IL18R1: variants seen among roughly 807,000 people sequenced by gnomAD.
IL18R1 encodes the protein interleukin-18 receptor 1.
IL18R1 carries 40 observed loss-of-function variants against 48.5 expected under a neutral mutation model. The observed-to-expected ratio is 0.82, with a 90% CI of 0.64 to 1.07. The LOEUF is 1.07. Among genes scored for constraint, IL18R1 ranks in the 50% least tolerant of loss-of-function variants. The probability of loss-of-function intolerance (pLI) is 0.00; values close to 1 mark genes in which losing one functional copy is unlikely to be tolerated. For synonymous variants in IL18R1, 232 were observed against 225.9 expected (o/e 1.03, Z -0.24); for missense variants, 596 against 633.7 (o/e 0.94, Z 0.64).
chr2:102,358,620 G>T (rs1313953824), intron 1 of IL18R1, among the ~76,000 whole-genome samples: 1 of 152,134 alleles, frequency 6.6e-6, no homozygotes, highest in Non-Finnish European at 1.5e-5. Flanking sequence ...TACGTCGGCG[G>T]CTCTCTTCCT....
intron 1 of IL18R1, 52 bp from the exon 2 acceptor site, chr2:102,362,581 G>T (rs1360712571): frequency 5.8e-6 from 7 of 1,212,956 alleles, no homozygotes; most frequent in South Asian, 2.9e-5. Context: ...CATAAGATAG[G>T]CACACTTTTG....
At position 102,355,891 on chromosome 2, in the gene IL18R1, A is replaced by G. The variant is rs1376526892; in HGVS notation, c.-538A>G. 1 of 152,102 alleles carries G rather than the reference A, an allele frequency of 6.6e-6. No individual in the cohort carries two copies. The highest frequency in any genetic ancestry group is 2.4e-5 in the African/African-American group (1 of 41,408). The allele number at this position is 152,102 out of a possible 1,614,324, so 9.4% of individuals were successfully genotyped here. ...CAAGGCGCTGGGTTTTCCAGCAGCA[A>G]CCTTTGGACCCCGCGATCCAGTAGC... is the stretch of plus-strand genomic sequence containing the variant. On this transcript the variant is annotated 5_prime_UTR_variant, in exon 1 of 11. Transcript: ENST00000233957.
intron 6 of IL18R1, among the ~76,000 whole-genome samples, chr2:102,381,911 C>T (rs1377453686): frequency 1.3e-5 from 2 of 152,116 alleles, no homozygotes; most frequent in African/African-American, 2.4e-5. Flanking sequence ...TGCCTGTGGT[C>T]TGTAGACTAA....
intron 4 of IL18R1, among the ~76,000 whole-genome samples, chr2:102,372,729 G>A (rs1679341742): frequency 6.6e-6 from 1 of 152,000 alleles, no homozygotes; most frequent in Non-Finnish European, 1.5e-5. Context: ...TGGGCTTTCA[G>A]TTTTTATGTG....
chr2:102,396,581 A>G lies in IL18R1; in HGVS notation c.1321A>G (p.Ile441Val). 6.2e-7 allele frequency: 1 copy of G among 1,612,474 alleles called. No individual in the cohort carries two copies. Residue 441 changes from isoleucine to valine, a missense_variant, in exon 11 of 11, where the codon ATT becomes GTT. Ile to Val is a conservative substitution (Grantham distance 29, BLOSUM62 3). This residue lies in a region of IL18R1 where 179 missense variants were observed against 206.1 expected (regional missense o/e 0.87). Transcript: ENST00000233957. ...GATAGAGAAAAGCCGAAGACTAATC[A>G]TTGTCCTAAGTAAAAGTTATATGTC... ...SLIEKSRRLI[I>V]VLSKSYMSNE...
At chr2:102,386,540 G>A (rs1409208678) in intron 7 of IL18R1, among the ~76,000 whole-genome samples, 2 of 152,202 alleles carry the variant, frequency 1.3e-5, no homozygotes, top group East Asian at 1.9e-4. Context: ...AAGTTGTTAG[G>A]AAGAGAGAAG....
rs1680878062 is a variant in IL18R1, at chr2:102,397,366, T to A, written c.*480T>A. ...CTCCCTAACACCATGGATCTGGTTG[T>A]GCATAGGATGTGGGAGGAGGGGCTG... On this transcript the variant is annotated 3_prime_UTR_variant, in exon 11 of 11. Coordinates refer to ENST00000233957, the MANE Select transcript of IL18R1 (RefSeq NM_003855.5). 1 of 154,150 alleles carries A rather than the reference T, an allele frequency of 6.5e-6. No individual in the cohort carries two copies. Among genetic ancestry groups the A allele is most frequent in the African/African-American group, 2.4e-5 (1 of 41,464 alleles). 9.5% of individuals were successfully genotyped at this position (154,150 alleles called of 1,614,324 possible).
chr2:102,362,327 T>C (rs1372349461), intron 1 of IL18R1, among the ~76,000 whole-genome samples: 1 of 152,242 alleles, frequency 6.6e-6, no homozygotes, highest in Non-Finnish European at 1.5e-5. Context: ...GTAGCAGTAC[T>C]ATTGTTCTGA....
At chr2:102,360,471 G>T (rs1442260127) in intron 1 of IL18R1, among the ~76,000 whole-genome samples, 1 of 152,108 alleles carries the variant, frequency 6.6e-6, no homozygotes, top group African/African-American at 2.4e-5. Context: ...CACCATGTTA[G>T]TCAGGATGGT....
intron 8 of IL18R1, among the ~76,000 whole-genome samples, chr2:102,387,805 GAGAA>G (rs761297949): frequency 1.3e-5 from 2 of 151,924 alleles, no homozygotes; most frequent in Non-Finnish European, 2.9e-5. Context: ...ACAGAGAGAG[GAGAA>G]AGAGAGATAC....
In IL18R1 at chr2:102,362,521, T is replaced by G. The variant is rs879935800; in HGVS notation, c.-28-112T>G. On this transcript the variant is annotated intron_variant, in intron 1 of 10. Transcript: ENST00000233957. ...TACTATATTAAGGATTATAAAAATC[T>G]TCTAGGTTGTTTTTTTAAAAATCTG... is the stretch of plus-strand genomic sequence containing the variant. 3.5e-5 allele frequency: 21 copies of G among 595,934 alleles called. No homozygotes were observed. In the Admixed American group the frequency reaches 6.0e-4, roughly 17 times the overall value. 36.9% of individuals were successfully genotyped at this position (595,934 alleles called of 1,614,324 possible).
chr2:102,377,999 A>G (rs1679691462), intron 5 of IL18R1, among the ~76,000 whole-genome samples: 3 of 152,204 alleles, frequency 2.0e-5, no homozygotes, highest in Admixed American at 2.0e-4. Flanking sequence ...TCTGTGTATA[A>G]TCATCTACCC....
intron 4 of IL18R1, 102 bp downstream of exon 4, chr2:102,372,220 T>C (rs1008847835): frequency 3.2e-6 from 3 of 935,846 alleles, no homozygotes; most frequent in Non-Finnish European, 4.7e-6. Context: ...ACAAATAAGC[T>C]GCCTGATCCC....
At position 102,376,079 on chromosome 2, in the gene IL18R1, G is replaced by A; in HGVS notation, c.625+16G>A. The A allele has an allele frequency of 6.5e-7, 1 of 1,541,532 alleles. No homozygotes were observed. The highest frequency in any genetic ancestry group is 8.7e-7 in the Non-Finnish European group (1 of 1,147,926). On this transcript the variant is annotated intron_variant, in intron 5 of 10. Coordinates refer to ENST00000233957, the MANE Select transcript of IL18R1 (RefSeq NM_003855.5). Reference sequence around the variant, plus strand: ...ATAGTGGAAGGTAAGGGAAATCTTAGAATTGGGAAGAAACAGACGTATTTT... The same window carrying A: ...ATAGTGGAAGGTAAGGGAAATCTTAAAATTGGGAAGAAACAGACGTATTTT...
Position 102,356,347 on chromosome 2 carries a change from G to C in IL18R1, c.-82G>C. 1 of 984,782 alleles carries C rather than the reference G, an allele frequency of 1.0e-6. No homozygotes were observed. The highest frequency in any genetic ancestry group is 1.2e-6 in the Non-Finnish European group (1 of 829,706). The allele number at this position is 984,782 out of a possible 1,614,324, so 61.0% of individuals were successfully genotyped here. ...ACTTGGCCTCCGCAGTCGCGACCTG[G>C]CGTGAAGGAGGAGCTGCCGCCCCCG... is the stretch of plus-strand genomic sequence containing the variant. On this transcript the variant is annotated 5_prime_UTR_variant, in exon 1 of 11. Coordinates refer to ENST00000233957, the MANE Select transcript of IL18R1 (RefSeq NM_003855.5).
intron 9 of IL18R1, among the ~76,000 whole-genome samples, chr2:102,391,459 T>C (rs1680566332): frequency 1.3e-5 from 2 of 152,250 alleles, no homozygotes; most frequent in Non-Finnish European, 2.9e-5. Context: ...ATTTTATTTG[T>C]GCAGAGCTAC....
intron 5 of IL18R1, among the ~76,000 whole-genome samples, chr2:102,379,062 A>T (rs1672897144): frequency 6.6e-6 from 1 of 152,178 alleles, no homozygotes; most frequent in Non-Finnish European, 1.5e-5. Context: ...TCTCCTCCCC[A>T]TCCTAAGGGT....
chr2:102,358,959 A>G (rs763458092), intron 1 of IL18R1, among the ~76,000 whole-genome samples: 1 of 152,170 alleles, frequency 6.6e-6, no homozygotes, highest in African/African-American at 2.4e-5. Flanking sequence ...ACAGTTAGTG[A>G]TAAGTGCTAT....
intron 7 of IL18R1, among the ~76,000 whole-genome samples, chr2:102,386,617 A>G (rs1680243410): frequency 6.6e-6 from 1 of 152,220 alleles, no homozygotes; most frequent in Non-Finnish European, 1.5e-5. Context: ...TCTTCCAGCC[A>G]TTTAAACTTC....
Sources: gnomAD v4.1 joint callset for allele counts (sites outside exome capture counted in the v4.1 genomes callset) on GRCh38, gnomAD v4.1.1 for gene constraint, gnomAD v4.1.1 regional missense constraint, MANE v1.5 for transcripts, NCBI Gene and HGNC (gene_info 2026-07-23, HGNC 2026-07-21) for gene names.